The following LPIN2 variants were observed in gnomAD, a reference collection of about 807,000 sequenced individuals.
The protein encoded by LPIN2 is lipin 2, also known as phosphatidate phosphatase LPIN2.
In LPIN2, 55 loss-of-function variants were observed where a neutral mutation model predicts 111.4. The ratio of observed to expected loss-of-function variants is 0.49; its 90% CI spans 0.40 to 0.62. The LOEUF is 0.62. LPIN2 is among the 20% of genes least tolerant of loss of function. The pLI is 0.00. For missense variants in LPIN2, 992 were observed against 1,112.1 expected, an observed-to-expected ratio of 0.89 and a Z score of 1.54; for synonymous variants, 425 against 414.0, an observed-to-expected ratio of 1.03 and a Z score of -0.32.
intron 1 of LPIN2, among the ~76,000 whole-genome samples, chr18:2,994,062 C>T (rs1382993054): frequency 6.6e-6 from 1 of 152,180 alleles, no homozygotes; most frequent in East Asian, 1.9e-4. Context: ...TCAATCTAGC[C>T]TTACACCACA....
In LPIN2 at chr18:2,920,401, G is replaced by A. The variant is rs141043192; in HGVS notation, c.2583C>T (p.Phe861=). ...AATTCTGCTCCTTACTGAGAAGGGG[G>A]AACACATGCTCCACGAGCTCACTCA... is the stretch of plus-strand genomic sequence containing the variant. The part of the protein sequence containing the change: ...HRLSELVEHV[F]PLLSKEQNSA... Residue 861 remains phenylalanine (F), a synonymous_variant, in exon 20 of 20, where the codon TTC becomes TTT. Coordinates refer to ENST00000677752, the MANE Select transcript of LPIN2 (RefSeq NM_001375808.2). The A allele has an allele frequency of 9.8e-5, 158 of 1,613,942 alleles. 1 individual carries two copies. In the African/African-American group the frequency reaches 1.9e-3, roughly 20 times the overall value.
intron 1 of LPIN2, chr18:3,011,789 T>A (rs1357723087): frequency 6.6e-6 from 1 of 152,276 alleles, no homozygotes; most frequent in Non-Finnish European, 1.5e-5. Flanking sequence ...TTCACACTGT[T>A]CTTTTTCTTC....
intron 1 of LPIN2, among the ~76,000 whole-genome samples, chr18:2,988,827 AT>A (rs1180215492): frequency 2.0e-5 from 3 of 152,232 alleles, no homozygotes; most frequent in Admixed American, 2.0e-4. Context: ...CAAGTGTGAC[AT>A]TTCATTTTAT....
In LPIN2 at chr18:3,004,057, T is replaced by C. The variant is rs1235368844; in HGVS notation, c.-10+9030A>G. On this transcript the variant is annotated intron_variant, in intron 1 of 19. Coordinates refer to ENST00000677752, the MANE Select transcript of LPIN2 (RefSeq NM_001375808.2). ...TGAAATACGCCCTGGTCTCCTACAG[T>C]ACCCTCAGGCTTACTAGGATTGGGA... Among the ~76,000 whole-genome samples the C allele has an allele frequency of 2.6e-5, 4 of 152,298 alleles. No individual in the cohort carries two copies. The East Asian group carries it at 7.7e-4, about 29-fold the overall frequency.
intron 6 of LPIN2, among the ~76,000 whole-genome samples, chr18:2,938,950 T>C (rs1222436547): frequency 6.6e-6 from 1 of 152,194 alleles, no homozygotes; most frequent in Non-Finnish European, 1.5e-5. Flanking sequence ...GCCCAGGAGT[T>C]TGCGATCAGG....
At chr18:2,951,889 C>T (rs1409967714) in intron 3 of LPIN2, among the ~76,000 whole-genome samples, 5 of 152,268 alleles carry the variant, frequency 3.3e-5, no homozygotes, top group Admixed American at 3.3e-4. Context: ...CAATTAGAGA[C>T]AATACCGTGT....
chr18:2,956,405 G>A (rs540574331), intron 2 of LPIN2, among the ~76,000 whole-genome samples: 1 of 151,704 alleles, frequency 6.6e-6, no homozygotes, highest in South Asian at 2.1e-4. Flanking sequence ...TAGAAGCAAT[G>A]ATACCTCAGG....
chr18:2,952,097 T>C (rs533406357), intron 3 of LPIN2, among the ~76,000 whole-genome samples: 56 of 152,302 alleles, frequency 3.7e-4, no homozygotes, highest in African/African-American at 1.3e-3. Flanking sequence ...CCTTTTTGTA[T>C]CATCAGAGGA....
intron 1 of LPIN2, among the ~76,000 whole-genome samples, chr18:2,994,381 C>G (rs1275826881): frequency 2.0e-5 from 3 of 152,082 alleles, no homozygotes; most frequent in Non-Finnish European, 4.4e-5. Flanking sequence ...GACCTATGGT[C>G]AGGCTCCCTA....
Position 2,922,088 on chromosome 18 carries a change from G to A in LPIN2, c.2286C>T (p.Pro762=), listed in dbSNP as rs769226759. 4 of 1,613,764 alleles carry A rather than the reference G, an allele frequency of 2.5e-6. No homozygotes were observed. The highest frequency in any genetic ancestry group is 1.1e-5 in the South Asian group (1 of 91,080). ...NDKGTILPRG[P]LMLSPSSLFS... Reference sequence around the variant, plus strand: ...ACAAGCTGCTGGGGGACAGCATCAGGGGGCCCCGGGGCAAGATTGTGCCCT... The same window carrying A: ...ACAAGCTGCTGGGGGACAGCATCAGAGGGCCCCGGGGCAAGATTGTGCCCT... Residue 762 remains proline (P), a synonymous_variant, in exon 17 of 20, where the codon CCC becomes CCT. Coordinates refer to ENST00000677752, the MANE Select transcript of LPIN2 (RefSeq NM_001375808.2).
intron 9 of LPIN2, among the ~76,000 whole-genome samples, chr18:2,929,762 C>A (rs140205951): frequency 1.3e-5 from 2 of 151,980 alleles, no homozygotes; most frequent in African/African-American, 4.8e-5. Flanking sequence ...AAAAATAAGG[C>A]GGGTATGGTG....
intron 11 of LPIN2, 34 bp from the exon 12 acceptor site, chr18:2,927,845 T>G (rs754941144): frequency 6.3e-7 from 1 of 1,577,228 alleles, no homozygotes; most frequent in African/African-American, 1.3e-5. Context: ...GTCTGGGCAA[T>G]CTACTGGCCA....
chr18:2,997,977 A>C (rs961008209), intron 1 of LPIN2, among the ~76,000 whole-genome samples: 1 of 152,248 alleles, frequency 6.6e-6, no homozygotes, highest in Non-Finnish European at 1.5e-5. Flanking sequence ...CGTGAGGCAG[A>C]GTTTCCAGTG....
rs185844694 is a variant in LPIN2 at position 2,921,385 on chromosome 18, A to G, written c.2442+148T>C. On this transcript the variant is annotated intron_variant, in intron 18 of 19. Transcript: ENST00000677752. ...CTCCCCAGTTGCTATAGATATTTGG[A>G]ATAGATCAAGTGAAAACCGAACAAG... The G allele has an allele frequency of 1.5e-5, 11 of 710,522 alleles. No homozygotes were observed. In the Admixed American group the frequency reaches 2.0e-4, roughly 13 times the overall value. The allele number at this position is 710,522 out of a possible 1,614,324, so 44.0% of individuals were successfully genotyped here.
intron 1 of LPIN2, among the ~76,000 whole-genome samples, chr18:2,970,055 C>CA (rs1735138371): frequency 6.6e-6 from 1 of 152,194 alleles, no homozygotes; most frequent in South Asian, 2.1e-4. Flanking sequence ...TGAAAAAACT[C>CA]AGAAATTCTG....
chr18:2,969,031 G>T (rs868280198), intron 1 of LPIN2, among the ~76,000 whole-genome samples: 1 of 152,168 alleles, frequency 6.6e-6, no homozygotes, highest in African/African-American at 2.4e-5. Flanking sequence ...AATAAAAAGA[G>T]TAGACCTGGT....
chr18:2,993,722 T>C (rs1026627269), intron 1 of LPIN2, among the ~76,000 whole-genome samples: 1 of 152,216 alleles, frequency 6.6e-6, no homozygotes, highest in Admixed American at 6.5e-5. Flanking sequence ...TCAACACAAA[T>C]TCCTAATCTT....
chr18:2,949,914 C>T (rs2077508460), intron 4 of LPIN2, among the ~76,000 whole-genome samples: 1 of 151,972 alleles, frequency 6.6e-6, no homozygotes, highest in Admixed American at 6.6e-5. Context: ...GCCTGGGCAA[C>T]ATAGCAAGAC....
intron 4 of LPIN2, among the ~76,000 whole-genome samples, chr18:2,941,132 CAAGT>C (rs1324985085): frequency 6.6e-6 from 1 of 152,160 alleles, no homozygotes; most frequent in Non-Finnish European, 1.5e-5. Flanking sequence ...GGATTCAAAA[CAAGT>C]AAGCCCTTAT....
Sources: gnomAD v4.1 joint callset for allele counts (sites outside exome capture counted in the v4.1 genomes callset) on GRCh38, gnomAD v4.1.1 for gene constraint, MANE v1.5 for transcripts, NCBI Gene and HGNC (gene_info 2026-07-23, HGNC 2026-07-21) for gene names.